PREP: variants seen among roughly 807,000 people sequenced by gnomAD.
PREP encodes dJ355L5.1 (prolyl endopeptidase).
A neutral mutation model predicts 87.6 loss-of-function variants in PREP; 29 were observed. That is an observed-to-expected ratio of 0.33 (90% CI 0.25 to 0.45). PREP has a LOEUF of 0.45. Ranked by LOEUF, PREP falls within the 20% of genes least tolerant of loss-of-function variation. PREP has a pLI of 1.00. For synonymous variants in PREP, 337 were observed against 328.6 expected (o/e 1.03, Z -0.28); for missense variants, 695 against 886.5 (o/e 0.78, Z 2.74).
chr6:105,374,868 C>G (rs966943515), intron 4 of PREP, among the ~76,000 whole-genome samples: 2 of 151,924 alleles, frequency 1.3e-5, no homozygotes, highest in Non-Finnish European at 2.9e-5. Flanking sequence ...AATTTAGCTT[C>G]TCGCCCATCA....
At chr6:105,342,856 A>G (rs1261547386) in intron 7 of PREP, among the ~76,000 whole-genome samples, 2 of 152,256 alleles carry the variant, frequency 1.3e-5, no homozygotes, top group South Asian at 2.1e-4. Flanking sequence ...ACTACAAACC[A>G]CTGCTCAACG....
chr6:105,378,839 T>C (rs1334846159), intron 2 of PREP, among the ~76,000 whole-genome samples: 1 of 152,214 alleles, frequency 6.6e-6, no homozygotes, highest in Non-Finnish European at 1.5e-5. Flanking sequence ...AAATGCATTA[T>C]TATCAGAGTT....
chr6:105,275,660 C>T lies in PREP; in HGVS notation c.*2484G>A, dbSNP rs1359227439. On this transcript the variant is annotated 3_prime_UTR_variant, in exon 15 of 15. Coordinates refer to ENST00000652536, the MANE Select transcript of PREP (RefSeq NM_002726.5). The stretch of plus-strand genomic sequence containing the variant: ...GTGTCTACTGCAGCACTATCCACAA[C>T]AGCCAAGATAGGGAATCAACCCACG... Among the ~76,000 whole-genome samples the T allele has an allele frequency of 6.6e-6, 1 of 152,186 alleles. No homozygotes were observed. Among genetic ancestry groups the T allele is most frequent in the African/African-American group, 2.4e-5 (1 of 41,458 alleles).
intron 7 of PREP, among the ~76,000 whole-genome samples, chr6:105,347,238 G>A (rs146188090): frequency 5.9e-5 from 9 of 152,326 alleles, no homozygotes; most frequent in Non-Finnish European, 1.2e-4. Context: ...GCCACAGCCC[G>A]TCAGACACTC....
chr6:105,294,329 T>C (rs1481552017), intron 10 of PREP, among the ~76,000 whole-genome samples: 2 of 152,200 alleles, frequency 1.3e-5, no homozygotes, highest in Non-Finnish European at 2.9e-5. Flanking sequence ...GACCATCTGC[T>C]TTTGTCACTT....
intron 7 of PREP, among the ~76,000 whole-genome samples, chr6:105,350,899 C>G (rs1029674026): frequency 6.6e-5 from 10 of 152,304 alleles, no homozygotes; most frequent in Non-Finnish European, 1.3e-4. Context: ...GAATGCTGAT[C>G]CAATTCATCA....
rs535446682 is a variant in PREP at position 105,333,669 on chromosome 6, T to C, written c.824-164A>G. ...GGAGCAAGAACCAGTTGTGAGTAAA[T>C]TGAAAAATGCTAAGGAGCCCCTGAA... On this transcript the variant is annotated intron_variant, in intron 7 of 14. Transcript: ENST00000652536. Among the ~76,000 whole-genome samples, 203 of 152,102 alleles carry C rather than the reference T, an allele frequency of 1.3e-3. 1 individual carries two copies. The highest frequency in any genetic ancestry group is 4.6e-3 in the African/African-American group (192 of 41,496).
Position 105,308,111 on chromosome 6 carries a change from C to T in PREP, c.1317+15554G>A, listed in dbSNP as rs774734021. Among the ~76,000 whole-genome samples the T allele has an allele frequency of 8.2e-4, 125 of 151,686 alleles. 2 individuals carry two copies. Among genetic ancestry groups the T allele is most frequent in the Non-Finnish European group, 1.5e-4 (10 of 67,934 alleles). Reference sequence around the variant, plus strand: ...AGAAACACAATGAAGAAAACATGCACATAAACCAATACAAATACTGAGAAG... The same window carrying T: ...AGAAACACAATGAAGAAAACATGCATATAAACCAATACAAATACTGAGAAG... On this transcript the variant is annotated intron_variant, in intron 10 of 14. Coordinates refer to ENST00000652536, the MANE Select transcript of PREP (RefSeq NM_002726.5).
intron 7 of PREP, among the ~76,000 whole-genome samples, chr6:105,352,636 G>A (rs980638445): frequency 6.6e-6 from 1 of 152,158 alleles, no homozygotes; most frequent in Admixed American, 6.5e-5. Context: ...CAGGTATGAT[G>A]CCACTATGCC....
At chr6:105,374,689 T>C (rs1394485590) in intron 4 of PREP, among the ~76,000 whole-genome samples, 2 of 85,100 alleles carry the variant, frequency 2.4e-5, no homozygotes, top group Non-Finnish European at 4.4e-5. Context: ...TATATATATA[T>C]ATATCAGAAA....
chr6:105,361,287 A>C (rs1239659308), intron 6 of PREP, among the ~76,000 whole-genome samples: 1 of 152,148 alleles, frequency 6.6e-6, no homozygotes, highest in South Asian at 2.1e-4. Context: ...ACAAAACCTA[A>C]TATTTATATA....
intron 10 of PREP, among the ~76,000 whole-genome samples, chr6:105,314,414 T>C (rs1010246431): frequency 1.3e-5 from 2 of 152,246 alleles, no homozygotes; most frequent in Non-Finnish European, 2.9e-5. Flanking sequence ...TCAAAACTGG[T>C]GTGAAGCCTC....
chr6:105,291,060 A>G (rs2114617840), intron 10 of PREP, among the ~76,000 whole-genome samples: 1 of 152,370 alleles, frequency 6.6e-6, no homozygotes, highest in Admixed American at 6.5e-5. Flanking sequence ...ACTGTAGTCT[A>G]TTAAGTATGC....
chr6:105,359,782 C>T (rs1583080369), intron 6 of PREP, among the ~76,000 whole-genome samples: 1 of 152,158 alleles, frequency 6.6e-6, no homozygotes, highest in East Asian at 1.9e-4. Flanking sequence ...GCCTGGACCC[C>T]TCTCCCTCCT....
In PREP at chr6:105,278,755, T is replaced by TA. The variant is rs1770005561; in HGVS notation, c.1839-318dup. 6.6e-6 allele frequency among the ~76,000 whole-genome samples: 1 copy of TA among 152,146 alleles called. No individual in the cohort carries two copies. The highest frequency in any genetic ancestry group is 1.5e-5 in the Non-Finnish European group (1 of 67,988). On this transcript the variant is annotated intron_variant, in intron 14 of 14. Transcript: ENST00000652536. This position sits in a 1 kb window ranked among gnomAD's most constrained non-coding sequence, Gnocchi z 4.2. ...TTTCATATTCTCTAGGCTTTTTTTT[T>TA]ACTGCTACAAAGTGGAGTAATAATT... is the stretch of plus-strand genomic sequence containing the variant.
At position 105,380,847 on chromosome 6, in the gene PREP, G is replaced by T. The variant is rs148415056; in HGVS notation, c.121-3328C>A. ...TGCATGAGGCTGCACTTAGGCCCAC[G>T]GTGGGTCCAAGGGTCAGAGGCTGCT... On this transcript the variant is annotated intron_variant, in intron 2 of 14. Coordinates refer to ENST00000652536, the MANE Select transcript of PREP (RefSeq NM_002726.5). Among the ~76,000 whole-genome samples the T allele has an allele frequency of 7.5e-3, 1,144 of 152,220 alleles. 14 individuals carry two copies. The highest frequency in any genetic ancestry group is 0.025 in the African/African-American group (1,033 of 41,530).
At chr6:105,356,442 G>C (rs1772101915) in intron 6 of PREP, among the ~76,000 whole-genome samples, 1 of 152,202 alleles carries the variant, frequency 6.6e-6, no homozygotes, top group Admixed American at 6.6e-5. Flanking sequence ...GTCTCAGTCA[G>C]CGTACACACT....
intron 1 of PREP, among the ~76,000 whole-genome samples, chr6:105,399,556 C>T (rs978541724): frequency 1.3e-5 from 2 of 152,176 alleles, no homozygotes; most frequent in Non-Finnish European, 2.9e-5. Context: ...TAAAGCCTCT[C>T]CAGATGGGTC....
In PREP at chr6:105,353,847, T is replaced by C. The variant is rs144729568; in HGVS notation, c.718-770A>G. On this transcript the variant is annotated intron_variant, in intron 6 of 14. Transcript: ENST00000652536. The stretch of plus-strand genomic sequence containing the variant: ...TTCACTATGGTTCACACTGGTCACA[T>C]TGACAAGTTTCTACTGAACAACTGC... Among the ~76,000 whole-genome samples, 603 of 151,908 alleles carry C rather than the reference T, an allele frequency of 4.0e-3. 5 individuals carry two copies. The highest frequency in any genetic ancestry group is 0.014 in the African/African-American group (559 of 41,386).
Sources: allele counts gnomAD v4.1 joint callset (sites outside exome capture counted in the v4.1 genomes callset), GRCh38; gene constraint gnomAD v4.1.1; non-coding constraint Gnocchi (gnomAD v3.1); transcripts MANE v1.5; gene names NCBI Gene and HGNC (gene_info 2026-07-23, HGNC 2026-07-21).